Variants in ARSG observed in about 807,000 individuals in gnomAD.
ARSG encodes the protein ASG.
ARSG carries 37 observed loss-of-function variants against 50.5 expected under a neutral mutation model. That is an observed-to-expected ratio of 0.73 (90% confidence interval 0.56 to 0.96). The LOEUF is 0.96. Ranked by LOEUF, ARSG falls within the 50% of genes least tolerant of loss-of-function variation. ARSG has a pLI of 0.00. For missense variants in ARSG, 629 were observed against 675.3 expected, an observed-to-expected ratio of 0.93 and a Z score of 0.76; for synonymous variants, 225 against 254.6, an observed-to-expected ratio of 0.88 and a Z score of 1.11.
chr17:68,286,724 C>T (rs2075851195), upstream of ARSG, among the ~76,000 whole-genome samples: 1 of 152,022 alleles, frequency 6.6e-6, no homozygotes, highest in Admixed American at 6.6e-5. Flanking sequence ...AGGCTGGTCT[C>T]GAACTCCTGA....
intron 1 of ARSG, among the ~76,000 whole-genome samples, chr17:68,280,719 TTGTC>T (rs1350925844): frequency 1.3e-5 from 2 of 152,126 alleles, no homozygotes; most frequent in Non-Finnish European, 2.9e-5. Flanking sequence ...TTTAGGACAT[TTGTC>T]TGAGGAAAGA....
At chr17:68,279,307 A>G (rs1476087574) in intron 1 of ARSG, among the ~76,000 whole-genome samples, 1 of 151,994 alleles carries the variant, frequency 6.6e-6, no homozygotes, top group Non-Finnish European at 1.5e-5. Flanking sequence ...GGCCACCGCG[A>G]TCACCTAGTC....
intron 6 of ARSG, among the ~76,000 whole-genome samples, chr17:68,357,440 T>A (rs757344182): frequency 6.6e-6 from 1 of 152,130 alleles, no homozygotes; most frequent in Non-Finnish European, 1.5e-5. Context: ...CAGTCAAATC[T>A]CCCCTCTGGC....
chr17:68,261,732 A>C (rs182470118), intron 1 of ARSG, among the ~76,000 whole-genome samples: 4 of 152,198 alleles, frequency 2.6e-5, no homozygotes, highest in African/African-American at 9.6e-5. Flanking sequence ...CTCCCTAGGG[A>C]GGTGGCATTT....
chr17:68,445,059 T>C, the ARSG span, among the ~76,000 whole-genome samples: 1 of 151,916 alleles, frequency 6.6e-6, no homozygotes, highest in Non-Finnish European at 1.5e-5. Flanking sequence ...TAGCTGGGAT[T>C]ACATGCATGC....
chr17:68,377,757 A>C (rs569606799), intron 8 of ARSG, among the ~76,000 whole-genome samples: 8 of 152,364 alleles, frequency 5.3e-5, no homozygotes, highest in Admixed American at 4.6e-4. Context: ...CATACAGATA[A>C]CTTTAAAAGT....
chr17:68,335,042 G>T lies in ARSG; in HGVS notation c.219-8562G>T, dbSNP rs542572346. On this transcript the variant is annotated intron_variant, in intron 2 of 11. Transcript: ENST00000621439. ...GACAGGGTCTCACTCTGTCACCCAGGTTGGAGTGCAGTGGTGCGATCATGA... is the reference window on the plus strand; with the variant it reads ...GACAGGGTCTCACTCTGTCACCCAGTTTGGAGTGCAGTGGTGCGATCATGA... Among the ~76,000 whole-genome samples, 6 of 152,182 alleles carry T rather than the reference G, an allele frequency of 3.9e-5. No homozygotes were observed. The East Asian group carries it at 9.7e-4, about 25-fold the overall frequency.
chr17:68,301,607 G>A (rs192032156), intron 1 of ARSG, among the ~76,000 whole-genome samples: 11 of 152,292 alleles, frequency 7.2e-5, no homozygotes, highest in African/African-American at 2.2e-4. Context: ...GCTGCCCTGC[G>A]GGGCATTTGT....
intron 1 of ARSG, among the ~76,000 whole-genome samples, chr17:68,303,169 G>A (rs782224189): frequency 2.6e-5 from 4 of 152,186 alleles, no homozygotes; most frequent in Non-Finnish European, 4.4e-5. Context: ...CTGTTGCCCA[G>A]GCTGGAGTAC....
At chr17:68,429,923 G>A in the ARSG span, 470 of 1,598,348 alleles carry the variant, frequency 2.9e-4, 2 homozygotes, top group African/African-American at 5.7e-3. Context: ...TTCAGGTTTG[G>A]GGATTTTTGT....
At chr17:68,290,203 T>C (rs912282646), upstream of ARSG, among the ~76,000 whole-genome samples, 3 of 152,058 alleles carry the variant, frequency 2.0e-5, no homozygotes, top group African/African-American at 7.2e-5. Flanking sequence ...GGTTGACAAG[T>C]TGTAATTGCT....
At chr17:68,265,750 G>A (rs2075146957) in intron 1 of ARSG, among the ~76,000 whole-genome samples, 1 of 120,656 alleles carries the variant, frequency 8.3e-6, no homozygotes. Context: ...AATAGTGTGT[G>A]TTGTTTTTTT....
At chr17:68,395,412 A>C (rs1259700254) in intron 10 of ARSG, among the ~76,000 whole-genome samples, 2 of 152,194 alleles carry the variant, frequency 1.3e-5, no homozygotes, top group Non-Finnish European at 2.9e-5. Context: ...AGATGGTGAA[A>C]CCTCACCTAT....
intron 9 of ARSG, among the ~76,000 whole-genome samples, chr17:68,392,934 T>C (rs976766301): frequency 2.0e-4 from 30 of 152,228 alleles, no homozygotes; most frequent in Non-Finnish European, 5.9e-5. Flanking sequence ...CAGTGAATAT[T>C]CTCTTGTGGA....
At chr17:68,370,414 G>A (rs748003030) in intron 7 of ARSG, 30 bp from the exon 8 acceptor site, 1 of 1,611,066 alleles carries the variant, frequency 6.2e-7, no homozygotes, top group South Asian at 1.1e-5. Flanking sequence ...AACCAGCCTG[G>A]TGACCATTAA....
intron 2 of ARSG, among the ~76,000 whole-genome samples, chr17:68,328,202 C>G (rs1384542863): frequency 6.6e-6 from 1 of 152,182 alleles, no homozygotes; most frequent in Non-Finnish European, 1.5e-5. Context: ...CCTCCACACA[C>G]TGAAATGTTC....
At chr17:68,407,084 A>C (rs959409920) in intron 11 of ARSG, among the ~76,000 whole-genome samples, 61 of 152,184 alleles carry the variant, frequency 4.0e-4, no homozygotes, top group African/African-American at 1.4e-3. Context: ...ATTCTCCTAC[A>C]TGTGGCTAGC....
intron 2 of ARSG, among the ~76,000 whole-genome samples, chr17:68,332,634 C>G (rs538244140): frequency 6.6e-6 from 1 of 152,106 alleles, no homozygotes; most frequent in Admixed American, 6.5e-5. Context: ...GAAATCATCA[C>G]AATTTATGTT....
chr17:68,385,543 AAGGAGAGGGGAGGCG>A (rs2080672705), intron 9 of ARSG, among the ~76,000 whole-genome samples: 2 of 98,600 alleles, frequency 2.0e-5, no homozygotes, highest in African/African-American at 3.9e-5. Context: ...GAGGGAAGGG[AAGGAGAGGGGAGGCG>A]AGGGGAGGGG....
Sources: gnomAD v4.1 joint callset for allele counts (sites outside exome capture counted in the v4.1 genomes callset) on GRCh38, gnomAD v4.1.1 for gene constraint, MANE v1.5 for transcripts, NCBI Gene and HGNC (gene_info 2026-07-23, HGNC 2026-07-21) for gene names.